The following MAGI3 variants were observed in gnomAD, a reference collection of about 807,000 sequenced individuals.
MAGI3 encodes the protein membrane-associated guanylate kinase, WW and PDZ domain-containing protein 3.
In MAGI3, 43 loss-of-function variants were observed where a neutral mutation model predicts 121.8. The observed-to-expected ratio is 0.35, with a 90% CI of 0.28 to 0.46. The LOEUF (loss-of-function observed/expected upper bound fraction) is 0.46, where lower values mean the gene tolerates loss of function less well. Ranked by LOEUF, MAGI3 falls within the 20% of genes least tolerant of loss-of-function variation. The pLI, the probability that MAGI3 is intolerant of heterozygous loss-of-function variation, is 1.00. For synonymous variants in MAGI3, 553 were observed against 639.3 expected, an observed-to-expected ratio of 0.86 and a Z score of 2.04; for missense variants, 1,547 against 1,797.3, an observed-to-expected ratio of 0.86 and a Z score of 2.52.
intron 3 of MAGI3, among the ~76,000 whole-genome samples, chr1:113,582,921 CTG>C (rs1648128434): frequency 6.6e-6 from 1 of 151,436 alleles, no homozygotes; most frequent in South Asian, 2.1e-4. Flanking sequence ...ATACTACAGT[CTG>C]TAATTTTATA....
chr1:113,648,770 T>C lies in MAGI3; in HGVS notation c.2156-467T>C, dbSNP rs78160780. 2.9e-3 allele frequency among the ~76,000 whole-genome samples: 435 copies of C among 152,270 alleles called. 8 individuals are homozygous for C. The highest frequency in any genetic ancestry group is 0.02 in the East Asian group (104 of 5,184). On this transcript the variant is annotated intron_variant, in intron 12 of 20. Transcript: ENST00000307546. ...AACTAGGCTAGGTAAGTAGTTCATA[T>C]GGAATACTTTTCTGAGAGAAAGGTA...
At chr1:113,544,637 T>G (rs1372211820) in intron 1 of MAGI3, among the ~76,000 whole-genome samples, 1 of 152,146 alleles carries the variant, frequency 6.6e-6, no homozygotes, top group African/African-American at 2.4e-5. Context: ...CTTTAAGAAA[T>G]AAACATTTAA....
intron 1 of MAGI3, among the ~76,000 whole-genome samples, chr1:113,402,886 G>A (rs1234738858): frequency 1.3e-5 from 2 of 152,228 alleles, no homozygotes; most frequent in South Asian, 4.2e-4. Flanking sequence ...GATTGAGGTG[G>A]CAGTTCTGGG....
chr1:113,639,204 G>A (rs535894655), intron 9 of MAGI3, among the ~76,000 whole-genome samples: 1 of 152,304 alleles, frequency 6.6e-6, no homozygotes, highest in South Asian at 2.1e-4. Flanking sequence ...GCAATGCCTC[G>A]CCCTGCTTCA....
chr1:113,642,199 G>A lies in MAGI3; in HGVS notation c.1649G>A (p.Gly550Asp), dbSNP rs1208760058. ...QNGKSGHTLTGDGLNGPSDAS... is the reference protein window; with the variant it reads ...QNGKSGHTLTDDGLNGPSDAS... ...GGAAAATCGGGACACACTTTGACTG[G>A]TGATGGTCTCAATGGACCATCAGAT... Residue 550 changes from glycine to aspartate, a missense_variant, in exon 10 of 21, where the codon GGT becomes GAT. Gly to Asp is a moderately conservative substitution (Grantham distance 94). Transcript: ENST00000307546. The A allele has an allele frequency of 1.2e-6, 2 of 1,614,050 alleles. No individual in the cohort carries two copies. The highest frequency in any genetic ancestry group is 1.7e-6 in the Non-Finnish European group (2 of 1,180,032).
intron 1 of MAGI3, among the ~76,000 whole-genome samples, chr1:113,507,707 G>A (rs919539620): frequency 1.3e-5 from 2 of 152,140 alleles, no homozygotes; most frequent in African/African-American, 2.4e-5. Flanking sequence ...TGCCCACATA[G>A]CACTTGGCAC....
At chr1:113,545,358 A>C (rs1659488889) in intron 1 of MAGI3, among the ~76,000 whole-genome samples, 1 of 152,030 alleles carries the variant, frequency 6.6e-6, no homozygotes. Flanking sequence ...TAGTTGTATA[A>C]TTGCTATTGG....
chr1:113,601,458 AAC>A (rs1365928197), intron 6 of MAGI3, among the ~76,000 whole-genome samples: 1 of 148,544 alleles, frequency 6.7e-6, no homozygotes, highest in Non-Finnish European at 1.5e-5. Context: ...GCAGCCAAAA[AAC>A]ACATGAAAAA....
chr1:113,625,906 G>A (rs1651210490), intron 9 of MAGI3, among the ~76,000 whole-genome samples: 1 of 152,058 alleles, frequency 6.6e-6, no homozygotes. Context: ...TCATAAAGGG[G>A]TGTTGAATTT....
chr1:113,511,294 C>A (rs1211941415), intron 1 of MAGI3, among the ~76,000 whole-genome samples: 1 of 152,132 alleles, frequency 6.6e-6, no homozygotes, highest in Non-Finnish European at 1.5e-5. Flanking sequence ...AATATAAAAT[C>A]TTGTTATAAT....
intron 1 of MAGI3, among the ~76,000 whole-genome samples, chr1:113,399,263 T>C (rs1651279251): frequency 6.6e-6 from 1 of 152,124 alleles, no homozygotes; most frequent in African/African-American, 2.4e-5. Context: ...TTGGACCAAT[T>C]ATTGTAGAGA....
intron 1 of MAGI3, among the ~76,000 whole-genome samples, chr1:113,458,829 A>T (rs541912593): frequency 6.6e-6 from 1 of 152,314 alleles, no homozygotes; most frequent in Non-Finnish European, 1.5e-5. Context: ...CAGATATTAC[A>T]GGTGTGAGCC....
chr1:113,399,324 A>C (rs1651282390), intron 1 of MAGI3, among the ~76,000 whole-genome samples: 1 of 152,082 alleles, frequency 6.6e-6, no homozygotes, highest in African/African-American at 2.4e-5. Context: ...GGACATGTCT[A>C]CCCTTGCAGC....
intron 13 of MAGI3, among the ~76,000 whole-genome samples, chr1:113,650,178 A>G (rs929127849): frequency 3.9e-5 from 6 of 152,132 alleles, no homozygotes; most frequent in Non-Finnish European, 8.8e-5. Context: ...CTAATTGGTC[A>G]TATTGGTTAC....
In MAGI3 at chr1:113,577,926, T is replaced by C. The variant is rs537933841; in HGVS notation, c.434-2616T>C. On this transcript the variant is annotated intron_variant, in intron 2 of 20. Coordinates refer to ENST00000307546, the MANE Select transcript of MAGI3 (RefSeq NM_001142782.2). The stretch of plus-strand genomic sequence containing the variant: ...ATTGTTTTTTAGTCATTATGTTTTA[T>C]AGTGGAGTTTATTTGGATATCTCAA... 2.0e-5 allele frequency among the ~76,000 whole-genome samples: 3 copies of C among 152,362 alleles called. No homozygotes were observed. The East Asian group carries it at 5.8e-4, about 29-fold the overall frequency.
intron 3 of MAGI3, among the ~76,000 whole-genome samples, chr1:113,584,184 T>C (rs973385561): frequency 3.9e-5 from 6 of 152,112 alleles, no homozygotes; most frequent in African/African-American, 1.2e-4. Flanking sequence ...AAATCATGAG[T>C]ATTTTACTCT....
chr1:113,431,017 C>T (rs1278069310), intron 1 of MAGI3, among the ~76,000 whole-genome samples: 7 of 152,232 alleles, frequency 4.6e-5, no homozygotes, highest in Admixed American at 4.6e-4. Context: ...AATGAATGAG[C>T]AGGAGACTAG....
rs1647674829 is a variant in MAGI3, at chr1:113,673,325, C to T, written c.3049C>T (p.Leu1017Phe). 1.9e-6 allele frequency: 3 copies of T among 1,608,918 alleles called. No individual in the cohort carries two copies. Among genetic ancestry groups the T allele is most frequent in the Non-Finnish European group, 2.5e-6 (3 of 1,178,820 alleles). ...SVVGSRHNQN[L>F]GCYPVELERG... is the part of the protein sequence containing the mutation. ...TCTTATACTTCTTTCTCTCTAGAACCTTGGTTGTTATCCAGTAGAGCTGGA... is the reference window on the plus strand; with the variant it reads ...TCTTATACTTCTTTCTCTCTAGAACTTTGGTTGTTATCCAGTAGAGCTGGA... Residue 1017 changes from leucine (L) to phenylalanine (F), a missense_variant, in exon 19 of 21, where the codon CTT becomes TTT. By Grantham distance (22) the Leu-to-Phe change is conservative. Transcript: ENST00000307546.
intron 9 of MAGI3, among the ~76,000 whole-genome samples, chr1:113,640,933 CATATATATAAATATATATA>C (rs1557868615): frequency 5.2e-5 from 6 of 115,260 alleles, no homozygotes; most frequent in African/African-American, 1.7e-4. Flanking sequence ...TTTTATATAT[CATATATATAAATATATATA>C]ATATTAAATA....
Sources: gnomAD v4.1 joint callset for allele counts (sites outside exome capture counted in the v4.1 genomes callset) on GRCh38, gnomAD v4.1.1 for gene constraint, MANE v1.5 for transcripts, NCBI Gene and HGNC (gene_info 2026-07-23, HGNC 2026-07-21) for gene names.